Variants in MSR1 observed in about 807,000 individuals in gnomAD.
MSR1 encodes the protein macrophage scavenger receptor types I and II.
In MSR1, 53 loss-of-function variants were observed where a neutral mutation model predicts 47.2. That is an observed-to-expected ratio of 1.12 (90% confidence interval 0.90 to 1.41). The LOEUF (loss-of-function observed/expected upper bound fraction) is 1.41, where lower values mean the gene tolerates loss of function less well. MSR1 is among the 40% of genes most tolerant of loss of function. The probability of loss-of-function intolerance (pLI) is 0.00; values close to 1 mark genes in which losing one functional copy is unlikely to be tolerated. For synonymous variants in MSR1, 239 were observed against 185.6 expected, an observed-to-expected ratio of 1.29 and a Z score of -2.34; for missense variants, 786 against 546.9, an observed-to-expected ratio of 1.44 and a Z score of -4.36.
chr8:16,112,602 G>C (rs1408909449), intron 9 of MSR1, among the ~76,000 whole-genome samples: 2 of 152,036 alleles, frequency 1.3e-5, no homozygotes, highest in Non-Finnish European at 2.9e-5. Flanking sequence ...AGTTAATGCA[G>C]ATAGTATAAA....
intron 1 of MSR1, among the ~76,000 whole-genome samples, chr8:16,190,336 A>C (rs2116954802): frequency 6.6e-6 from 1 of 152,324 alleles, no homozygotes; most frequent in South Asian, 2.1e-4. Context: ...AAGATAACAT[A>C]AATTTATAAA....
Position 16,123,555 on chromosome 8 carries a change from T to A in MSR1, c.1034-2949A>T, listed in dbSNP as rs549046598. The stretch of plus-strand genomic sequence containing the variant: ...TTTTTCCATTTGGGTATTTTTATCT[T>A]GTATATAAAGATTTCAGAAGACATG... On this transcript the variant is annotated intron_variant, in intron 8 of 9. Transcript: ENST00000262101. 6.5e-4 allele frequency among the ~76,000 whole-genome samples: 95 copies of A among 146,002 alleles called. 1 individual carries two copies. Among genetic ancestry groups the A allele is most frequent in the African/African-American group, 2.3e-3 (92 of 39,890 alleles).
intron 1 of MSR1, among the ~76,000 whole-genome samples, chr8:16,190,160 A>T (rs1345439426): frequency 6.6e-6 from 1 of 152,046 alleles, no homozygotes; most frequent in Admixed American, 6.6e-5. Context: ...GGCCTCCCAA[A>T]GTGCTGGGAT....
At chr8:16,174,853 T>C (rs1585188126) in intron 3 of MSR1, among the ~76,000 whole-genome samples, 1 of 152,138 alleles carries the variant, frequency 6.6e-6, no homozygotes, top group East Asian at 1.9e-4. Context: ...ATGAATACTT[T>C]TAAAATTTGT....
intron 8 of MSR1, chr8:16,139,653 TTTTG>T: frequency 1.0e-6 from 1 of 974,442 alleles, no homozygotes; most frequent in Non-Finnish European, 1.2e-6. Flanking sequence ...ATCAAAATAT[TTTTG>T]TTTGAAATGA....
chr8:16,169,526 T>A (rs1172987458), intron 3 of MSR1, among the ~76,000 whole-genome samples: 1 of 152,110 alleles, frequency 6.6e-6, no homozygotes, highest in Non-Finnish European at 1.5e-5. Flanking sequence ...ATAAAATATA[T>A]ATTCACAGCA....
At chr8:16,179,564 A>T (rs1288523224) in intron 1 of MSR1, among the ~76,000 whole-genome samples, 1 of 152,170 alleles carries the variant, frequency 6.6e-6, no homozygotes, top group East Asian at 1.9e-4. Flanking sequence ...GACTAAATAA[A>T]TATTTCCTGG....
At chr8:16,128,457 G>A (rs1403914061) in intron 8 of MSR1, among the ~76,000 whole-genome samples, 1 of 151,968 alleles carries the variant, frequency 6.6e-6, no homozygotes, top group Non-Finnish European at 1.5e-5. Context: ...ATGAGAAGGG[G>A]GCCGTCTGCA....
At chr8:16,179,963 C>T (rs762476857) in intron 1 of MSR1, among the ~76,000 whole-genome samples, 1 of 150,510 alleles carries the variant, frequency 6.6e-6, no homozygotes, top group African/African-American at 2.4e-5. Context: ...GTTTCCCAGG[C>T]TGGAGTGCAG....
chr8:16,128,858 C>T (rs577580906), intron 8 of MSR1, among the ~76,000 whole-genome samples: 1 of 152,098 alleles, frequency 6.6e-6, no homozygotes, highest in African/African-American at 2.4e-5. Flanking sequence ...TTACGAAGGA[C>T]CTATTAGATG....
At chr8:16,149,951 G>A (rs1263011888) in intron 7 of MSR1, among the ~76,000 whole-genome samples, 2 of 150,806 alleles carry the variant, frequency 1.3e-5, no homozygotes, top group Non-Finnish European at 3.0e-5. Context: ...TTTTCCTTTG[G>A]GATATAGAGA....
intron 7 of MSR1, among the ~76,000 whole-genome samples, chr8:16,147,737 TG>T (rs1405832675): frequency 6.6e-6 from 1 of 152,182 alleles, no homozygotes; most frequent in African/African-American, 2.4e-5. Flanking sequence ...CTGGCACTGC[TG>T]CTGACATCTC....
chr8:16,167,801 T>A (rs1489276176), intron 4 of MSR1, among the ~76,000 whole-genome samples: 1 of 152,202 alleles, frequency 6.6e-6, no homozygotes, highest in Non-Finnish European at 1.5e-5. Context: ...TATTCAAAAC[T>A]ATGGACAGTT....
At chr8:16,114,594 C>G (rs900141816) in intron 9 of MSR1, among the ~76,000 whole-genome samples, 3 of 152,068 alleles carry the variant, frequency 2.0e-5, no homozygotes, top group African/African-American at 4.8e-5. Context: ...CTTTCCCTGC[C>G]CTGTGCATTG....
intron 1 of MSR1, among the ~76,000 whole-genome samples, chr8:16,178,793 C>T (rs959384797): frequency 6.6e-6 from 1 of 152,060 alleles, no homozygotes; most frequent in Admixed American, 6.6e-5. Flanking sequence ...TAATGATCAC[C>T]ATTCTAACTG....
chr8:16,122,772 G>C (rs528075905), intron 8 of MSR1, among the ~76,000 whole-genome samples: 2 of 151,432 alleles, frequency 1.3e-5, no homozygotes, highest in Non-Finnish European at 1.5e-5. Context: ...GGGAATGGCT[G>C]ACTGTAAATT....
intron 4 of MSR1, among the ~76,000 whole-genome samples, chr8:16,165,690 T>C (rs953315887): frequency 5.9e-5 from 9 of 152,150 alleles, no homozygotes; most frequent in Non-Finnish European, 8.8e-5. Flanking sequence ...TTACACTCTC[T>C]TGAGCTGGAC....
At chr8:16,154,438 T>A (rs143686151) in intron 6 of MSR1, among the ~76,000 whole-genome samples, 1 of 152,130 alleles carries the variant, frequency 6.6e-6, no homozygotes, top group East Asian at 1.9e-4. Flanking sequence ...AGATTACAAC[T>A]TAGAGGAAAA....
intron 3 of MSR1, among the ~76,000 whole-genome samples, chr8:16,170,142 G>T (rs1801439637): frequency 1.3e-5 from 2 of 152,132 alleles, no homozygotes; most frequent in Non-Finnish European, 2.9e-5. Flanking sequence ...CAGGTCAGGA[G>T]ATCAAGACCA....
Sources: allele counts gnomAD v4.1 joint callset (sites outside exome capture counted in the v4.1 genomes callset), GRCh38; gene constraint gnomAD v4.1.1; transcripts MANE v1.5; gene names NCBI Gene and HGNC (gene_info 2026-07-23, HGNC 2026-07-21).